Variants in FAM20C observed in about 807,000 individuals in gnomAD.
FAM20C encodes extracellular serine/threonine protein kinase FAM20C.
In FAM20C, 40 loss-of-function variants were observed where a neutral mutation model predicts 51.5. The observed-to-expected ratio is 0.78, with a 90% CI of 0.60 to 1.01. The LOEUF is 1.01. FAM20C is among the 50% of genes least tolerant of loss of function. The probability of loss-of-function intolerance (pLI) is 0.00; values close to 1 mark genes in which losing one functional copy is unlikely to be tolerated. For synonymous variants in FAM20C, 406 were observed against 380.6 expected (o/e 1.07, Z -0.78); for missense variants, 861 against 844.7 (o/e 1.02, Z -0.24).
intron 2 of FAM20C, among the ~76,000 whole-genome samples, chr7:203,085 T>A (rs1786205799): frequency 6.6e-6 from 1 of 152,054 alleles, no homozygotes; most frequent in Admixed American, 6.5e-5. Flanking sequence ...CTCTGAGACT[T>A]GTCCACGGTG....
chr7:196,781 C>T (rs544589603), intron 2 of FAM20C, among the ~76,000 whole-genome samples: 27 of 152,260 alleles, frequency 1.8e-4, no homozygotes, highest in Admixed American at 8.5e-4. Flanking sequence ...CTCTCTCTGC[C>T]GGGTGCTGAG....
intron 2 of FAM20C, among the ~76,000 whole-genome samples, chr7:206,626 C>G (rs1054330384): frequency 6.8e-6 from 1 of 147,086 alleles, no homozygotes; most frequent in East Asian, 2.0e-4. Context: ...GTCATGGTCC[C>G]CTCGGCCCCG....
At position 247,019 on chromosome 7, in the gene FAM20C, G is replaced by A. The variant is rs1004591680; in HGVS notation, c.956+512G>A. On this transcript the variant is annotated intron_variant, in intron 4 of 9. Coordinates refer to ENST00000313766, the MANE Select transcript of FAM20C (RefSeq NM_020223.4). ...TCGGTAATAGAGGAAAAGGAAAGAG[G>A]GAAGGAGGCAGGGAGGGAAGGGGGA... 6.6e-5 allele frequency among the ~76,000 whole-genome samples: 10 copies of A among 152,294 alleles called. 1 individual carries two copies. The highest frequency in any genetic ancestry group is 6.5e-4 in the Admixed American group (10 of 15,306).
chr7:257,273 C>A (rs1788624197), intron 8 of FAM20C, 187 bp downstream of exon 8: 2 of 615,272 alleles, frequency 3.3e-6, no homozygotes, highest in Admixed American at 5.9e-5. Context: ...GGGAGGGCCG[C>A]CCCGGGAGTG....
chr7:253,554 C>T (rs1246762237), intron 5 of FAM20C, among the ~76,000 whole-genome samples: 2 of 152,222 alleles, frequency 1.3e-5, no homozygotes, highest in Non-Finnish European at 2.9e-5. Context: ...CAGAAAGCCC[C>T]CACTCCAAGT....
chr7:196,729 C>T (rs997410190), intron 2 of FAM20C, among the ~76,000 whole-genome samples: 3 of 152,186 alleles, frequency 2.0e-5, no homozygotes, highest in Non-Finnish European at 2.9e-5. Context: ...CCCTTTCAGG[C>T]CAGCAGGTAG....
rs557151557 is a variant in FAM20C at position 250,687 on chromosome 7, C to T, written c.1072+2257C>T. Among the ~76,000 whole-genome samples the T allele has an allele frequency of 1.5e-3, 227 of 152,344 alleles. 1 individual carries two copies. Among genetic ancestry groups the T allele is most frequent in the South Asian group, 3.5e-3 (17 of 4,822 alleles). On this transcript the variant is annotated intron_variant, in intron 5 of 9. Transcript: ENST00000313766. ...CGACCCTGACCGCACTGTCCAGCCA[C>T]CGCCTCCTGCCCCACCGTCCACAGG...
intron 2 of FAM20C, among the ~76,000 whole-genome samples, chr7:207,680 C>A (rs573850327): frequency 6.6e-6 from 1 of 152,390 alleles, no homozygotes; most frequent in Non-Finnish European, 1.5e-5. Flanking sequence ...TGACCAGTCC[C>A]TGGTGTGGCC....
At chr7:206,729 G>A (rs1300339685) in intron 2 of FAM20C, among the ~76,000 whole-genome samples, 6 of 137,812 alleles carry the variant, frequency 4.4e-5, no homozygotes, top group Non-Finnish European at 3.1e-5. Flanking sequence ...TGGTCCCCTC[G>A]GCCCCGCACA....
At chr7:256,586 C>G in intron 6 of FAM20C, 68 bp from the exon 7 acceptor site, 1 of 1,298,500 alleles carries the variant, frequency 7.7e-7, no homozygotes, top group South Asian at 1.3e-5. Context: ...CTCTTCTGCT[C>G]CTCATGGCAC....
At chr7:194,080 C>G (rs755492506) in intron 1 of FAM20C, 114 of 428,402 alleles carry the variant, frequency 2.7e-4, no homozygotes, top group Non-Finnish European at 4.3e-4. Context: ...TCCTGACCAG[C>G]CGTGGTCACC....
rs768250558 is a variant in FAM20C, at chr7:258,616, C to G, written c.1446-30C>G. 4.6e-6 allele frequency: 7 copies of G among 1,535,696 alleles called. 1 individual carries two copies. In the South Asian group the frequency reaches 7.1e-5, roughly 16 times the overall value. ...GCCTGTTAGGAACCTTGTACAGGGG[C>G]CCTTGACAATTCTGCTTTTCTTCTG... On this transcript the variant is annotated intron_variant, in intron 8 of 9. Transcript: ENST00000313766.
intron 3 of FAM20C, chr7:228,017 T>C (rs1438450858): frequency 6.2e-6 from 1 of 161,602 alleles, no homozygotes; most frequent in Non-Finnish European, 1.4e-5. Context: ...CCGGGAGGGG[T>C]ACCTGGGGCC....
chr7:206,945 G>C (rs28431271), intron 2 of FAM20C, among the ~76,000 whole-genome samples: 851 of 33,616 alleles, frequency 0.025, 275 homozygotes, highest in African/African-American at 0.12. Flanking sequence ...TCCACTGTGA[G>C]GCGTCGGTCA....
chr7:192,743 C>CCCCG lies in FAM20C; in HGVS notation c.-444_-441dup, dbSNP rs1055546990. ...GCCCGGCCCGGAGGAGCCGCCCCTTCCCCGCCCGCCCGCCCGGCGCCTGGA... is the reference window on the plus strand; with the variant it reads ...GCCCGGCCCGGAGGAGCCGCCCCTTCCCCGCCCGCCCGCCCGCCCGGCGCCTGGA... On this transcript the variant is annotated 5_prime_UTR_variant, in exon 1 of 10. Transcript: ENST00000313766. Among the ~76,000 whole-genome samples the CCCCG allele has an allele frequency of 1.1e-4, 16 of 140,902 alleles. No homozygotes were observed. Among genetic ancestry groups the CCCCG allele is most frequent in the Non-Finnish European group, 7.9e-5 (5 of 63,512 alleles). The allele number at this position is 140,902 out of a possible 152,430, so 92.4% of individuals were successfully genotyped here.
At chr7:241,555 G>GTT (rs1484128576) in intron 3 of FAM20C, among the ~76,000 whole-genome samples, 1 of 128,278 alleles carries the variant, frequency 7.8e-6, no homozygotes, top group Admixed American at 7.0e-5. Flanking sequence ...TTCTGTGGGG[G>GTT]TTGTGTGTGT....
chr7:193,952 G>C, intron 1 of FAM20C, 148 bp downstream of exon 1: 1 of 1,235,930 alleles, frequency 8.1e-7, no homozygotes, highest in African/African-American at 1.6e-5. Context: ...GCCTACCTCA[G>C]GGCGCTGCCT....
intron 3 of FAM20C, among the ~76,000 whole-genome samples, chr7:211,759 A>G (rs1431934179): frequency 1.3e-5 from 2 of 152,184 alleles, no homozygotes; most frequent in Non-Finnish European, 2.9e-5. Context: ...GCAGTTGGGG[A>G]AACTGAGGCC....
At chr7:256,912 C>A in intron 7 of FAM20C, 93 bp from the exon 8 acceptor site, 1 of 1,446,666 alleles carries the variant, frequency 6.9e-7, no homozygotes, top group Non-Finnish European at 9.4e-7. Flanking sequence ...GTCACGCTGG[C>A]AGGAGGAGAC....
Sources: allele counts gnomAD v4.1 joint callset (sites outside exome capture counted in the v4.1 genomes callset), GRCh38; gene constraint gnomAD v4.1.1; transcripts MANE v1.5; gene names NCBI Gene and HGNC (gene_info 2026-07-23, HGNC 2026-07-21).